The following NRG3 variants were observed in gnomAD, a reference collection of about 807,000 sequenced individuals.
The protein encoded by NRG3 is pro-neuregulin-3, membrane-bound isoform.
In NRG3, 31 loss-of-function variants were observed where a neutral mutation model predicts 66.9. That is an observed-to-expected ratio of 0.46 (90% CI 0.35 to 0.63). The LOEUF is 0.63. Ranked by LOEUF, NRG3 falls within the 20% of genes least tolerant of loss-of-function variation. The pLI is 0.00. For synonymous variants in NRG3, 393 were observed against 359.4 expected (o/e 1.09, Z -1.06); for missense variants, 910 against 878.9 (o/e 1.04, Z -0.45).
intron 2 of NRG3, among the ~76,000 whole-genome samples, chr10:82,580,155 A>G (rs760934068): frequency 1.3e-5 from 2 of 151,986 alleles, no homozygotes; most frequent in African/African-American, 4.8e-5. Flanking sequence ...ATTATTTTCT[A>G]TGTGTGCTTG....
chr10:82,907,740 T>C (rs961196909), intron 4 of NRG3, among the ~76,000 whole-genome samples: 1 of 152,218 alleles, frequency 6.6e-6, no homozygotes, highest in Non-Finnish European at 1.5e-5. Context: ...ATTCCACAGG[T>C]ATTTTTTAAG....
chr10:82,852,763 C>T (rs1350294320), intron 3 of NRG3, among the ~76,000 whole-genome samples: 1 of 152,182 alleles, frequency 6.6e-6, no homozygotes, highest in Non-Finnish European at 1.5e-5. Context: ...AAAAGGTTAT[C>T]ACACTAACGG....
intron 1 of NRG3, among the ~76,000 whole-genome samples, chr10:82,076,375 A>G (rs1369443079): frequency 6.6e-6 from 1 of 152,200 alleles, no homozygotes; most frequent in Non-Finnish European, 1.5e-5. Context: ...CACTATGATT[A>G]TTTTGGTGCT....
At chr10:82,119,621 T>G (rs2067956395) in intron 1 of NRG3, among the ~76,000 whole-genome samples, 1 of 152,076 alleles carries the variant, frequency 6.6e-6, no homozygotes, top group Admixed American at 6.6e-5. Context: ...CCTAAATAAA[T>G]TAAGTTCTAA....
intron 6 of NRG3, among the ~76,000 whole-genome samples, chr10:82,970,255 C>G (rs1416592318): frequency 6.6e-6 from 1 of 152,208 alleles, no homozygotes; most frequent in Non-Finnish European, 1.5e-5. Flanking sequence ...ACCACGGCTA[C>G]TTTTCCAGGG....
intron 4 of NRG3, among the ~76,000 whole-genome samples, chr10:82,929,991 G>A (rs1175122595): frequency 6.6e-6 from 1 of 152,154 alleles, no homozygotes; most frequent in Non-Finnish European, 1.5e-5. Context: ...GCCTAAACTT[G>A]TAGTGGCAAT....
chr10:82,525,609 A>C (rs985827558), intron 2 of NRG3, among the ~76,000 whole-genome samples: 11 of 151,744 alleles, frequency 7.2e-5, no homozygotes, highest in Non-Finnish European at 1.5e-4. Flanking sequence ...TTATTGCTGC[A>C]GATTTTTTTT....
intron 1 of NRG3, among the ~76,000 whole-genome samples, chr10:82,154,358 C>T (rs1409939213): frequency 6.6e-6 from 1 of 151,870 alleles, no homozygotes; most frequent in Non-Finnish European, 1.5e-5. Flanking sequence ...TTCTTGGCAC[C>T]TTTGTCAAAA....
chr10:82,252,432 A>T (rs1315330367), intron 1 of NRG3, among the ~76,000 whole-genome samples: 2 of 152,176 alleles, frequency 1.3e-5, no homozygotes, highest in Non-Finnish European at 2.9e-5. Context: ...AAACAGAGGC[A>T]TTGGAAAAGT....
intron 1 of NRG3, among the ~76,000 whole-genome samples, chr10:82,014,868 G>C (rs2061719254): frequency 6.6e-6 from 1 of 152,122 alleles, no homozygotes; most frequent in African/African-American, 2.4e-5. Flanking sequence ...AGAGCCCTTA[G>C]ACAATTGAAA....
intron 2 of NRG3, among the ~76,000 whole-genome samples, chr10:82,577,966 A>G (rs2133184246): frequency 6.6e-6 from 1 of 151,730 alleles, no homozygotes; most frequent in South Asian, 2.1e-4. Context: ...GAAAGTCTTT[A>G]TTTCCATGGT....
At chr10:82,598,365 G>T (rs747162583) in intron 2 of NRG3, among the ~76,000 whole-genome samples, 1 of 152,198 alleles carries the variant, frequency 6.6e-6, no homozygotes, top group Non-Finnish European at 1.5e-5. Flanking sequence ...CTGTGTGGAG[G>T]AAGGCTTAAA....
chr10:82,101,155 T>G (rs1381404198), intron 1 of NRG3, among the ~76,000 whole-genome samples: 1 of 151,942 alleles, frequency 6.6e-6, no homozygotes, highest in Non-Finnish European at 1.5e-5. Flanking sequence ...TTAATGTCCA[T>G]AAGGTCTCAG....
chr10:82,401,238 TTATA>T (rs1337474641), intron 2 of NRG3, among the ~76,000 whole-genome samples: 1 of 152,110 alleles, frequency 6.6e-6, no homozygotes, highest in South Asian at 2.1e-4. Context: ...GTGCATGTAT[TTATA>T]TATGTTATAT....
chr10:82,231,288 G>A (rs2076446292), intron 1 of NRG3, among the ~76,000 whole-genome samples: 1 of 151,982 alleles, frequency 6.6e-6, no homozygotes, highest in Non-Finnish European at 1.5e-5. Flanking sequence ...AAGTGAGGTT[G>A]CAGTGAGCCA....
chr10:82,105,090 G>T (rs1418500280), intron 1 of NRG3, among the ~76,000 whole-genome samples: 1 of 151,488 alleles, frequency 6.6e-6, no homozygotes, highest in Admixed American at 6.6e-5. Flanking sequence ...TATTTTCTGA[G>T]GTTATAGATA....
chr10:82,154,825 T>C (rs2071064368), intron 1 of NRG3, among the ~76,000 whole-genome samples: 1 of 151,854 alleles, frequency 6.6e-6, no homozygotes. Context: ...TAAATTGGAT[T>C]GCTTTCTTAA....
chr10:82,404,843 C>A (rs2087380650), intron 2 of NRG3, among the ~76,000 whole-genome samples: 1 of 152,072 alleles, frequency 6.6e-6, no homozygotes, highest in African/African-American at 2.4e-5. Context: ...CTGAGAGCAC[C>A]TTGAGATTAT....
intron 1 of NRG3, among the ~76,000 whole-genome samples, chr10:82,028,336 G>A (rs1336501038): frequency 1.3e-5 from 2 of 152,096 alleles, no homozygotes; most frequent in Non-Finnish European, 2.9e-5. Flanking sequence ...TGCTACTTGA[G>A]TTCAAATGCA....
Sources: allele counts gnomAD v4.1 joint callset (sites outside exome capture counted in the v4.1 genomes callset), GRCh38; gene constraint gnomAD v4.1.1; transcripts MANE v1.5; gene names NCBI Gene and HGNC (gene_info 2026-07-23, HGNC 2026-07-21).